Variants in PADI3 observed in about 807,000 individuals in gnomAD.
The protein encoded by PADI3 is peptidyl arginine deiminase 3.
PADI3 carries 53 observed loss-of-function variants against 71.5 expected under a neutral mutation model. The ratio of observed to expected loss-of-function variants is 0.74; its 90% CI spans 0.59 to 0.93. PADI3 has a LOEUF of 0.93. PADI3 is among the 40% of genes least tolerant of loss of function. The probability of loss-of-function intolerance (pLI) is 0.00; values close to 1 mark genes in which losing one functional copy is unlikely to be tolerated. For missense variants in PADI3, 821 were observed against 868.0 expected, an observed-to-expected ratio of 0.95 and a Z score of 0.68; for synonymous variants, 361 against 347.5, an observed-to-expected ratio of 1.04 and a Z score of -0.43.
chr1:17,275,109 A>G (rs933930599), intron 11 of PADI3, among the ~76,000 whole-genome samples: 8 of 152,150 alleles, frequency 5.3e-5, no homozygotes. Flanking sequence ...GATTCTGAAA[A>G]TAAATAGATG....
intron 3 of PADI3, among the ~76,000 whole-genome samples, chr1:17,264,579 CTCATTTTA>C (rs1404798814): frequency 6.6e-6 from 1 of 152,154 alleles, no homozygotes; most frequent in Non-Finnish European, 1.5e-5. Flanking sequence ...ATAACATGGT[CTCATTTTA>C]TCATCTGATT....
At chr1:17,269,408 A>G (rs1269113889) in intron 6 of PADI3, among the ~76,000 whole-genome samples, 1 of 152,196 alleles carries the variant, frequency 6.6e-6, no homozygotes, top group African/African-American at 2.4e-5. Flanking sequence ...TTCTCTGAAC[A>G]TCATAGTGGT....
rs777115017 is a variant in PADI3 at position 17,273,406 on chromosome 1, A to G, written c.1114A>G (p.Arg372Gly). The G allele has an allele frequency of 9.9e-6, 16 of 1,613,244 alleles. No homozygotes were observed. Among genetic ancestry groups the G allele is most frequent in the East Asian group, 2.2e-5 (1 of 44,858 alleles). ...KTLPVVFDSPRNGELQDFPYK... is the reference protein window; with the variant it reads ...KTLPVVFDSPGNGELQDFPYK... The stretch of plus-strand genomic sequence containing the variant: ...CCTCCCGGTGGTCTTTGACTCCCCA[A>G]GGAATGGGGAACTGCAGGATTTCCC... Residue 372 changes from arginine to glycine, a missense_variant, in exon 10 of 16, where the codon AGG becomes GGG. Coordinates refer to ENST00000375460, the MANE Select transcript of PADI3 (RefSeq NM_016233.2).
In PADI3 at chr1:17,282,990, C is replaced by G. The variant is rs1250919575; in HGVS notation, c.1906C>G (p.Pro636Ala). ...LHCTFIDDFT[P>A]YHMLHGEVHC... The stretch of plus-strand genomic sequence containing the variant: ...CTGCACCTTCATTGATGACTTCACT[C>G]CATACCACATGCTGCATGGGGAGGT... Residue 636 changes from proline (P) to alanine (A), a missense_variant, in exon 16 of 16, where the codon CCA becomes GCA. Physicochemically the swap from Pro to Ala is conservative, Grantham distance 27. Coordinates refer to ENST00000375460, the MANE Select transcript of PADI3 (RefSeq NM_016233.2). 2 of 1,614,106 alleles carry G rather than the reference C, an allele frequency of 1.2e-6. No individual in the cohort carries two copies. The highest frequency in any genetic ancestry group is 2.7e-5 in the African/African-American group (2 of 74,950).
intron 15 of PADI3, among the ~76,000 whole-genome samples, chr1:17,281,548 G>A (rs750061768): frequency 3.6e-4 from 55 of 151,628 alleles, no homozygotes; most frequent in Admixed American, 1.6e-3. Flanking sequence ...GGGTTCAAGC[G>A]ATTCTCCTGC....
At position 17,270,287 on chromosome 1, in the gene PADI3, C is replaced by T. The variant is rs532392877; in HGVS notation, c.707C>T (p.Ser236Phe). ...YRHVLGQDKV[S>F]YEVPRLHGDE... ...CATGTGCTGGGCCAAGATAAGGTGT[C>T]CTATGAGGTACCCCGCTTGCATGGG... The change falls in exon 7 of 16, where the codon TCC (serine) becomes TTC (phenylalanine). Residue 236 changes from serine (S) to phenylalanine (F), a missense_variant. By Grantham distance (155) the Ser-to-Phe change is radical. Transcript: ENST00000375460. The T allele has an allele frequency of 1.2e-6, 2 of 1,613,874 alleles. No individual in the cohort carries two copies. Among genetic ancestry groups the T allele is most frequent in the Non-Finnish European group, 8.5e-7 (1 of 1,179,958 alleles).
intron 9 of PADI3, 55 bp downstream of exon 9, chr1:17,271,233 C>A: frequency 1.4e-6 from 2 of 1,432,764 alleles, no homozygotes; most frequent in Non-Finnish European, 1.9e-6. Context: ...GAGAGAGAGG[C>A]CTTCATTTGG....
chr1:17,266,679 A>T, intron 4 of PADI3, 40 bp from the exon 5 acceptor site: 1 of 1,556,180 alleles, frequency 6.4e-7, no homozygotes, highest in Non-Finnish European at 8.9e-7. Flanking sequence ...CACAGGTCTC[A>T]TCTGAGCCCT....
Position 17,261,321 on chromosome 1 carries a change from G to A in PADI3, c.274-812G>A, listed in dbSNP as rs2073100393. On this transcript the variant is annotated intron_variant, in intron 2 of 15. Coordinates refer to ENST00000375460, the MANE Select transcript of PADI3 (RefSeq NM_016233.2). ...GAGTGCTCGCTGTGGGCCGGGCACC[G>A]AGCTGCATGTGCCCCATACATGACT... Among the ~76,000 whole-genome samples, 4 of 152,188 alleles carry A rather than the reference G, an allele frequency of 2.6e-5. No individual in the cohort carries two copies. The South Asian group carries it at 8.3e-4, about 31-fold the overall frequency.
In PADI3 at chr1:17,259,769, C is replaced by T; in HGVS notation, c.273+11C>T. 6.3e-7 allele frequency: 1 copy of T among 1,589,398 alleles called. No homozygotes were observed. Among genetic ancestry groups the T allele is most frequent in the African/African-American group, 1.3e-5 (1 of 74,496 alleles). On this transcript the variant is annotated intron_variant, in intron 2 of 15. Transcript: ENST00000375460. Reference sequence around the variant, plus strand: ...CTCAACGACAGCCATGTGAGCTGGTCCCTGGTGGGGTGGGGAGAGGTTTCG... The same window carrying T: ...CTCAACGACAGCCATGTGAGCTGGTTCCTGGTGGGGTGGGGAGAGGTTTCG...
Position 17,282,821 on chromosome 1 carries a change from G to C in PADI3, c.1762-25G>C, listed in dbSNP as rs781000939. Reference sequence around the variant, plus strand: ...TGTGGGGTGGGAGCCCAGTGATGAAGTGCTGCTTCCCCTTTGGACTGCAGG... The same window carrying C: ...TGTGGGGTGGGAGCCCAGTGATGAACTGCTGCTTCCCCTTTGGACTGCAGG... On this transcript the variant is annotated intron_variant, in intron 15 of 15. Coordinates refer to ENST00000375460, the MANE Select transcript of PADI3 (RefSeq NM_016233.2). The C allele has an allele frequency of 4.5e-6, 7 of 1,563,960 alleles. No homozygotes were observed. The South Asian group carries it at 8.0e-5, about 18-fold the overall frequency.
At chr1:17,271,872 GAA>G (rs1189864693) in intron 9 of PADI3, among the ~76,000 whole-genome samples, 26 of 142,718 alleles carry the variant, frequency 1.8e-4, no homozygotes, top group African/African-American at 4.6e-4. Flanking sequence ...GAGAGAGAGA[GAA>G]AAAGAAATAT....
Position 17,249,196 on chromosome 1 carries a change from T to C in PADI3, c.59T>C (p.Val20Ala). Residue 20 changes from valine to alanine, a missense_variant, in exon 1 of 16, where the codon GTG becomes GCG. Physicochemically the swap from Val to Ala is moderately conservative, Grantham distance 64. Transcript: ENST00000375460. Reference protein sequence around the residue: ...SLEHPTSAVCVAGVETLVDIY... With the variant: ...SLEHPTSAVCAAGVETLVDIY... The stretch of plus-strand genomic sequence containing the variant: ...GAGCATCCCACCAGCGCGGTGTGTG[T>C]GGCTGGCGTGGAGACCCTCGTGGAC... The C allele has an allele frequency of 6.2e-7, 1 of 1,614,118 alleles. No individual in the cohort carries two copies. The highest frequency in any genetic ancestry group is 1.1e-5 in the South Asian group (1 of 91,082).
intron 1 of PADI3, 84 bp from the exon 2 acceptor site, chr1:17,259,494 G>A (rs2100564380): frequency 7.5e-7 from 1 of 1,326,916 alleles, no homozygotes; most frequent in Middle Eastern, 1.9e-4. Context: ...GCTTCCTGGA[G>A]GAAGCAGGGC....
intron 1 of PADI3, among the ~76,000 whole-genome samples, chr1:17,251,678 G>A (rs1029271946): frequency 2.6e-5 from 4 of 152,224 alleles, no homozygotes; most frequent in Non-Finnish European, 4.4e-5. Context: ...ACCCAGTTTG[G>A]CCTTACTTCA....
chr1:17,263,650 G>A (rs1293940154), intron 3 of PADI3, among the ~76,000 whole-genome samples: 1 of 152,160 alleles, frequency 6.6e-6, no homozygotes, highest in Non-Finnish European at 1.5e-5. Flanking sequence ...AAATTAGACT[G>A]TATTAAAATT....
At chr1:17,261,457 A>G (rs145699724) in intron 2 of PADI3, among the ~76,000 whole-genome samples, 1 of 152,300 alleles carries the variant, frequency 6.6e-6, no homozygotes, top group African/African-American at 2.4e-5. Flanking sequence ...TTTTCCTGGG[A>G]TATTCAAAAG....
Position 17,262,163 on chromosome 1 carries a change from C to G in PADI3, c.304C>G (p.Pro102Ala), listed in dbSNP as rs749519797. Residue 102 changes from proline (P) to alanine (A), a missense_variant, in exon 3 of 16, where the codon CCT becomes GCT. Pro to Ala is a conservative substitution (Grantham distance 27, BLOSUM62 -1). Coordinates refer to ENST00000375460, the MANE Select transcript of PADI3 (RefSeq NM_016233.2). Reference sequence around the variant, plus strand: ...GATTTCCTACCACTCCAGCCATGAGCCTCTGCCCCTGGCCTATGCGGTGCT... The same window carrying G: ...GATTTCCTACCACTCCAGCCATGAGGCTCTGCCCCTGGCCTATGCGGTGCT... ...VQISYHSSHEPLPLAYAVLYL... is the reference protein window; with the variant it reads ...VQISYHSSHEALPLAYAVLYL... 5 of 1,613,528 alleles carry G rather than the reference C, an allele frequency of 3.1e-6. No individual in the cohort carries two copies. Among genetic ancestry groups the G allele is most frequent in the Non-Finnish European group, 4.2e-6 (5 of 1,179,866 alleles).
At chr1:17,268,791 G>C (rs924200347) in intron 6 of PADI3, among the ~76,000 whole-genome samples, 104 of 151,970 alleles carry the variant, frequency 6.8e-4, no homozygotes, top group African/African-American at 2.4e-3. Context: ...ATAGGCGTGA[G>C]CCACCGTGCC....
Sources: allele counts gnomAD v4.1 joint callset (sites outside exome capture counted in the v4.1 genomes callset), GRCh38; gene constraint gnomAD v4.1.1; transcripts MANE v1.5; gene names NCBI Gene and HGNC (gene_info 2026-07-23, HGNC 2026-07-21).